AP3B1: variants seen among roughly 807,000 people sequenced by gnomAD.
AP3B1 encodes the protein AP-3 complex subunit beta-1.
A neutral mutation model predicts 132.5 loss-of-function variants in AP3B1; 61 were observed. The ratio of observed to expected loss-of-function variants is 0.46; its 90% CI spans 0.37 to 0.57. The LOEUF (loss-of-function observed/expected upper bound fraction) is 0.57, where lower values mean the gene tolerates loss of function less well. Ranked by LOEUF, AP3B1 falls within the 20% of genes least tolerant of loss-of-function variation. The pLI, the probability that AP3B1 is intolerant of heterozygous loss-of-function variation, is 0.00. For synonymous variants in AP3B1, 388 were observed against 438.3 expected (o/e 0.89, Z 1.43); for missense variants, 1,120 against 1,289.4 (o/e 0.87, Z 2.01).
chr5:78,176,343 GAA>G (rs11324490), intron 9 of AP3B1, among the ~76,000 whole-genome samples: 4,568 of 136,864 alleles, frequency 0.033, 229 homozygotes, highest in African/African-American at 0.11. Context: ...CTAGCCATAG[GAA>G]AAAAAAAAAA....
Position 78,294,462 on chromosome 5 carries a change from C to T in AP3B1, c.118G>A (p.Asp40Asn). 1 of 1,614,240 alleles carries T rather than the reference C, an allele frequency of 6.2e-7. No homozygotes were observed. The highest frequency in any genetic ancestry group is 8.5e-7 in the Non-Finnish European group (1 of 1,180,046). ...AACCTTTCTCCTCACTTCTTCAAAT[C>T]GCTGCTAAAGAGGCCGAAGGCCCCC... ...PSGAFGLFSS[D>N]LKKNEDLKQM... Residue 40 changes from aspartate (D) to asparagine (N), a missense_variant, in exon 1 of 27, where the codon GAT becomes AAT. Physicochemically the swap from Asp to Asn is conservative, Grantham distance 23. Around this residue, in one of 3 missense-constraint regions of AP3B1, gnomAD observed 85 missense variants for 79.9 expected, o/e 1.06. Transcript: ENST00000255194.
At chr5:78,199,505 C>T (rs1474219227) in intron 7 of AP3B1, among the ~76,000 whole-genome samples, 1 of 151,998 alleles carries the variant, frequency 6.6e-6, no homozygotes, top group Non-Finnish European at 1.5e-5. Context: ...AACAAAATTA[C>T]AATGATCCTA....
At chr5:78,247,748 A>G (rs1428554898) in intron 2 of AP3B1, among the ~76,000 whole-genome samples, 1 of 152,098 alleles carries the variant, frequency 6.6e-6, no homozygotes, top group African/African-American at 2.4e-5. Flanking sequence ...TTTCTTACAA[A>G]GAGCACAGTT....
At chr5:78,119,196 C>A (rs1257269743) in intron 17 of AP3B1, among the ~76,000 whole-genome samples, 1 of 152,104 alleles carries the variant, frequency 6.6e-6, no homozygotes, top group Non-Finnish European at 1.5e-5. Context: ...CTGTACATCA[C>A]CATCATCAAA....
At chr5:78,129,894 T>C (rs1752619584) in intron 15 of AP3B1, among the ~76,000 whole-genome samples, 1 of 152,098 alleles carries the variant, frequency 6.6e-6, no homozygotes. Context: ...AGCTGTTACT[T>C]TTTCATAAAA....
chr5:78,004,809 G>C (rs2112031729), intron 26 of AP3B1, among the ~76,000 whole-genome samples: 1 of 152,306 alleles, frequency 6.6e-6, no homozygotes, highest in East Asian at 1.9e-4. Context: ...GCAATTGTAA[G>C]TAACCAGTTT....
intron 22 of AP3B1, among the ~76,000 whole-genome samples, chr5:78,058,941 T>C (rs1032633561): frequency 1.8e-4 from 27 of 152,228 alleles, no homozygotes; most frequent in Admixed American, 1.2e-3. Flanking sequence ...CACCTCCTTC[T>C]TCCCACAGGT....
intron 21 of AP3B1, among the ~76,000 whole-genome samples, chr5:78,092,479 T>C (rs762657007): frequency 6.6e-6 from 1 of 152,144 alleles, no homozygotes; most frequent in East Asian, 1.9e-4. Context: ...AGTGACTCTA[T>C]GGGGTTTTTA....
chr5:78,117,572 A>G (rs987441168), intron 17 of AP3B1, among the ~76,000 whole-genome samples: 2 of 152,068 alleles, frequency 1.3e-5, no homozygotes, highest in Admixed American at 6.5e-5. Context: ...GACCTCCCAA[A>G]GTGCTGGGAT....
intron 24 of AP3B1, among the ~76,000 whole-genome samples, chr5:78,022,002 G>T (rs1580248855): frequency 6.6e-6 from 1 of 152,026 alleles, no homozygotes. Flanking sequence ...TAAACATTAG[G>T]TTAAGAAACA....
At chr5:78,294,339 T>C in intron 1 of AP3B1, 113 bp downstream of exon 1, 1 of 1,518,190 alleles carries the variant, frequency 6.6e-7, no homozygotes, top group Admixed American at 1.7e-5. Context: ...CGCCCTGCCC[T>C]GCTCAGACCT....
rs570018548 is a variant in AP3B1, at chr5:78,278,344, G to C, written c.129-10749C>G. Among the ~76,000 whole-genome samples the C allele has an allele frequency of 1.0e-3, 155 of 151,822 alleles. 4 individuals carry two copies. Among genetic ancestry groups the C allele is most frequent in the African/African-American group, 3.7e-3 (151 of 41,236 alleles). On this transcript the variant is annotated intron_variant, in intron 1 of 26. Transcript: ENST00000255194. ...AATCAATCAAATGCCCCTCCAAAAGGGGACTAATTCTTTGGGAGGCCGAGG... is the reference window on the plus strand; with the variant it reads ...AATCAATCAAATGCCCCTCCAAAAGCGGACTAATTCTTTGGGAGGCCGAGG...
chr5:78,157,627 C>T (rs1410206885), intron 13 of AP3B1, among the ~76,000 whole-genome samples: 1 of 152,170 alleles, frequency 6.6e-6, no homozygotes, highest in African/African-American at 2.4e-5. Flanking sequence ...AATAAATCAA[C>T]ATTGCCTTTA....
At chr5:78,213,818 G>C (rs905349025) in intron 7 of AP3B1, among the ~76,000 whole-genome samples, 1 of 152,212 alleles carries the variant, frequency 6.6e-6, no homozygotes, top group Non-Finnish European at 1.5e-5. Context: ...ACAATAATAG[G>C]AATCAAATTA....
chr5:78,121,467 AAG>A (rs1209617179), intron 17 of AP3B1, among the ~76,000 whole-genome samples: 1 of 152,176 alleles, frequency 6.6e-6, no homozygotes, highest in Non-Finnish European at 1.5e-5. Flanking sequence ...TAAAGAAGAA[AAG>A]AGAGAAGAAT....
chr5:78,217,539 G>C (rs1300396149), intron 6 of AP3B1, among the ~76,000 whole-genome samples: 3 of 151,942 alleles, frequency 2.0e-5, no homozygotes, highest in African/African-American at 7.2e-5. Context: ...TATAGATATG[G>C]CAAGGAAGTT....
chr5:78,231,322 C>T (rs1027110359), intron 3 of AP3B1, among the ~76,000 whole-genome samples: 1 of 151,896 alleles, frequency 6.6e-6, no homozygotes, highest in African/African-American at 2.4e-5. Flanking sequence ...TACAGGCACG[C>T]ACCACCACGC....
intron 7 of AP3B1, among the ~76,000 whole-genome samples, chr5:78,193,815 G>A (rs1457512463): frequency 2.0e-4 from 29 of 141,548 alleles, no homozygotes; most frequent in African/African-American, 7.0e-4. Context: ...TGGCTGGAGT[G>A]CAGTGGCGTG....
chr5:78,168,013 G>GA (rs149936824), intron 11 of AP3B1, among the ~76,000 whole-genome samples: 25,925 of 110,066 alleles, frequency 0.24, 2,578 homozygotes, highest in Admixed American at 0.28. Flanking sequence ...AAAACCTACT[G>GA]AAAAAAAAAA....
Sources: gnomAD v4.1 joint callset for allele counts (sites outside exome capture counted in the v4.1 genomes callset) on GRCh38, gnomAD v4.1.1 for gene constraint, gnomAD v4.1.1 regional missense constraint, MANE v1.5 for transcripts, NCBI Gene and HGNC (gene_info 2026-07-23, HGNC 2026-07-21) for gene names.